Variants in MGAT5 observed in about 807,000 individuals in gnomAD.
The protein encoded by MGAT5 is alpha-1,6-mannosylglycoprotein 6-beta-N-acetylglucosaminyltransferase A.
A neutral mutation model predicts 94.3 loss-of-function variants in MGAT5; 30 were observed. The observed-to-expected ratio is 0.32, with a 90% CI of 0.24 to 0.43. The LOEUF is 0.43. Ranked by LOEUF, MGAT5 falls within the 20% of genes least tolerant of loss-of-function variation. The probability of loss-of-function intolerance (pLI) is 1.00; values close to 1 mark genes in which losing one functional copy is unlikely to be tolerated. For missense variants in MGAT5, 691 were observed against 905.5 expected, an observed-to-expected ratio of 0.76 and a Z score of 3.04; for synonymous variants, 310 against 322.9, an observed-to-expected ratio of 0.96 and a Z score of 0.43.
rs533881912 is a variant in MGAT5 at position 134,399,124 on chromosome 2, T to C, written c.1381-3864T>C. On this transcript the variant is annotated intron_variant, in intron 10 of 15. Coordinates refer to ENST00000281923, the MANE Select transcript of MGAT5 (RefSeq NM_002410.5). ...GAGGTGATGGATACCCTAAATACCCTGATTTGATCATCACATGTAGTATCC... is the reference window on the plus strand; with the variant it reads ...GAGGTGATGGATACCCTAAATACCCCGATTTGATCATCACATGTAGTATCC... Among the ~76,000 whole-genome samples the C allele has an allele frequency of 5.3e-5, 8 of 152,352 alleles. No individual in the cohort carries two copies. In the East Asian group the frequency reaches 1.5e-3, roughly 29 times the overall value.
Position 134,399,746 on chromosome 2 carries a change from G to A in MGAT5, c.1381-3242G>A, listed in dbSNP as rs539480216. Among the ~76,000 whole-genome samples the A allele has an allele frequency of 9.9e-5, 15 of 152,248 alleles. No individual in the cohort carries two copies. The South Asian group carries it at 2.5e-3, about 25-fold the overall frequency. ...GGAAAGCTTTCTAAGAAGTGATCTC[G>A]ATCCAGTTCTTAGATCAGTGGGACA... On this transcript the variant is annotated intron_variant, in intron 10 of 15. Coordinates refer to ENST00000281923, the MANE Select transcript of MGAT5 (RefSeq NM_002410.5).
chr2:134,238,917 G>T (rs998355732), intron 1 of MGAT5, among the ~76,000 whole-genome samples: 6 of 152,204 alleles, frequency 3.9e-5, no homozygotes, highest in African/African-American at 1.4e-4. Context: ...CTGTATTCCA[G>T]CCTGGGCGAC....
chr2:134,314,318 G>T (rs1686871733), intron 2 of MGAT5, among the ~76,000 whole-genome samples: 1 of 152,212 alleles, frequency 6.6e-6, no homozygotes, highest in African/African-American at 2.4e-5. Flanking sequence ...TGGAGTTGCA[G>T]AGGAGACTGT....
chr2:134,258,222 G>A (rs1416520058), intron 1 of MGAT5, among the ~76,000 whole-genome samples: 1 of 152,182 alleles, frequency 6.6e-6, no homozygotes, highest in African/African-American at 2.4e-5. Context: ...TGTAACAAAT[G>A]CAATAACAGA....
rs138600775 is a variant in MGAT5 at position 134,145,218 on chromosome 2, G to C, written c.-143+24927G>C. Among the ~76,000 whole-genome samples the C allele has an allele frequency of 3.9e-3, 395 of 102,528 alleles. 2 individuals carry two copies. Among genetic ancestry groups the C allele is most frequent in the African/African-American group, 0.01 (270 of 26,264 alleles). 67.3% of individuals were successfully genotyped at this position (102,528 alleles called of 152,430 possible). A position where few individuals can be genotyped will look rare whatever the true frequency, so the allele number is the denominator to read the frequency against. On this transcript the variant is annotated intron_variant, in intron 1 of 16. Transcript: ENST00000409645. Reference sequence around the variant, plus strand: ...GGTGTGTGTGTGTCTCTCTCTCTGTGTGTGTGTGTGTGTGTGTGTGTGTGT... The same window carrying C: ...GGTGTGTGTGTGTCTCTCTCTCTGTCTGTGTGTGTGTGTGTGTGTGTGTGT...
chr2:134,445,591 T>C (rs661899), intron 15 of MGAT5, among the ~76,000 whole-genome samples: 103,689 of 152,068 alleles, frequency 0.68, 35,598 homozygotes, highest in South Asian at 0.87. Context: ...CACAGCGTGG[T>C]CAGCCCCATT....
At chr2:134,308,933 A>G (rs1410357512) in intron 2 of MGAT5, among the ~76,000 whole-genome samples, 2 of 152,340 alleles carry the variant, frequency 1.3e-5, no homozygotes, top group South Asian at 2.1e-4. Context: ...AACCACCACA[A>G]TAGTCAGTGT....
intron 1 of MGAT5, among the ~76,000 whole-genome samples, chr2:134,153,904 C>G (rs1030790778): frequency 2.6e-5 from 4 of 152,178 alleles, no homozygotes; most frequent in Admixed American, 1.3e-4. Context: ...CCGCTCCACT[C>G]TCTCCCTCCC....
At chr2:134,448,107 GCT>G (rs1184879962) in intron 15 of MGAT5, among the ~76,000 whole-genome samples, 1 of 152,216 alleles carries the variant, frequency 6.6e-6, no homozygotes, top group African/African-American at 2.4e-5. Flanking sequence ...CGTAAATGAT[GCT>G]GAGCTTTGCC....
chr2:134,411,487 A>G (rs773595317), intron 11 of MGAT5, among the ~76,000 whole-genome samples: 1 of 152,218 alleles, frequency 6.6e-6, no homozygotes, highest in Non-Finnish European at 1.5e-5. Flanking sequence ...TCTTTCAAAA[A>G]ACCAAAAAGA....
chr2:134,417,968 A>G (rs938585267), intron 12 of MGAT5, among the ~76,000 whole-genome samples: 9 of 152,120 alleles, frequency 5.9e-5, no homozygotes, highest in Admixed American at 1.3e-4. Context: ...TGCAGTTTCT[A>G]TATACAAGCC....
At chr2:134,291,940 T>C (rs796770264) in intron 2 of MGAT5, among the ~76,000 whole-genome samples, 8 of 152,330 alleles carry the variant, frequency 5.3e-5, no homozygotes, top group African/African-American at 1.7e-4. Flanking sequence ...TCTGGAACTT[T>C]CCGTGACTGT....
chr2:134,140,113 A>G (rs1686592764), intron 1 of MGAT5, among the ~76,000 whole-genome samples: 1 of 152,224 alleles, frequency 6.6e-6, no homozygotes, highest in South Asian at 2.1e-4. Context: ...CACCTGCCCC[A>G]CTGGGTTGTG....
chr2:134,276,456 T>TA lies in MGAT5; in HGVS notation c.406+5908dup, dbSNP rs143516726. 2.3e-3 allele frequency among the ~76,000 whole-genome samples: 357 copies of TA among 152,304 alleles called. 5 individuals are homozygous for TA. Among genetic ancestry groups the TA allele is most frequent in the East Asian group, 0.018 (91 of 5,188 alleles). On this transcript the variant is annotated intron_variant, in intron 2 of 15. Coordinates refer to ENST00000281923, the MANE Select transcript of MGAT5 (RefSeq NM_002410.5). ...TTTTAGAAGAAATTCTTTGTTATTTTAAGCAAAGTATATAATTATCAAGAT... is the reference window on the plus strand; with the variant it reads ...TTTTAGAAGAAATTCTTTGTTATTTTAAAGCAAAGTATATAATTATCAAGAT...
intron 1 of MGAT5, among the ~76,000 whole-genome samples, chr2:134,193,475 A>T (rs1679332958): frequency 6.6e-6 from 1 of 152,190 alleles, no homozygotes; most frequent in African/African-American, 2.4e-5. Context: ...GGGCCTGTTT[A>T]TAGGGGTCCC....
At chr2:134,162,683 C>T (rs1184862078) in intron 1 of MGAT5, among the ~76,000 whole-genome samples, 2 of 152,192 alleles carry the variant, frequency 1.3e-5, no homozygotes, top group African/African-American at 4.8e-5. Context: ...CACTGTGTTA[C>T]ATTGTCCCCT....
intron 11 of MGAT5, 27 bp from the exon 12 acceptor site, chr2:134,412,842 T>C (rs1683751600): frequency 6.2e-7 from 1 of 1,613,688 alleles, no homozygotes; most frequent in Non-Finnish European, 8.5e-7. Flanking sequence ...GATGTGTTCA[T>C]ACGCTGTGTG....
chr2:134,206,257 A>G (rs1193119801), intron 1 of MGAT5, among the ~76,000 whole-genome samples: 2 of 152,202 alleles, frequency 1.3e-5, no homozygotes, highest in Non-Finnish European at 2.9e-5. Context: ...GAAGCTTCTA[A>G]TGGCCACTTC....
chr2:134,226,394 T>C (rs1681065624), intron 1 of MGAT5, among the ~76,000 whole-genome samples: 1 of 152,244 alleles, frequency 6.6e-6, no homozygotes. Flanking sequence ...CCAGAGTGTT[T>C]GCAATCAGCC....
Sources: allele counts gnomAD v4.1 joint callset (sites outside exome capture counted in the v4.1 genomes callset), GRCh38; gene constraint gnomAD v4.1.1; transcripts MANE v1.5; gene names NCBI Gene and HGNC (gene_info 2026-07-23, HGNC 2026-07-21).